The following ADAM12 variants were observed in gnomAD, a reference collection of about 807,000 sequenced individuals.
The protein encoded by ADAM12 is disintegrin and metalloproteinase domain-containing protein 12.
ADAM12 carries 70 observed loss-of-function variants against 106.4 expected under a neutral mutation model. That is an observed-to-expected ratio of 0.66 (90% CI 0.54 to 0.80). ADAM12 has a LOEUF of 0.80. Ranked by LOEUF, ADAM12 falls within the 30% of genes least tolerant of loss-of-function variation. The pLI is 0.00. For missense variants in ADAM12, 1,010 were observed against 1,171.9 expected, an observed-to-expected ratio of 0.86 and a Z score of 2.02; for synonymous variants, 420 against 433.5, an observed-to-expected ratio of 0.97 and a Z score of 0.39.
chr10:126,238,892 CCTGT>C (rs1332288159), intron 3 of ADAM12, among the ~76,000 whole-genome samples: 5 of 152,114 alleles, frequency 3.3e-5, no homozygotes, highest in African/African-American at 1.2e-4. Context: ...TACATTTTTC[CCTGT>C]CTTTCTTTTT....
At chr10:126,179,887 G>A (rs989142956) in intron 3 of ADAM12, among the ~76,000 whole-genome samples, 18 of 152,124 alleles carry the variant, frequency 1.2e-4, no homozygotes, top group Non-Finnish European at 2.1e-4. Context: ...AGCTAAGGAC[G>A]GCTTCCTGGA....
chr10:126,051,576 T>TCCAGCCAG (rs778622898), intron 14 of ADAM12, among the ~76,000 whole-genome samples: 3,260 of 84,212 alleles, frequency 0.039, 87 homozygotes, highest in Middle Eastern at 0.096. Flanking sequence ...CATCCATCCA[T>TCCAGCCAG]CCATCCATCC....
chr10:126,069,330 GT>G lies in ADAM12; in HGVS notation c.1323+2146del, dbSNP rs543252861. The stretch of plus-strand genomic sequence containing the variant: ...AAAAAGTGAGGCAAAAGGCTCACCT[GT>G]AACTTTCAAAGAAAGAACTTTGGAT... On this transcript the variant is annotated intron_variant, in intron 12 of 22. Coordinates refer to ENST00000448723, the MANE Select transcript of ADAM12 (RefSeq NM_001288973.2). Among the ~76,000 whole-genome samples, 135 of 152,316 alleles carry G rather than the reference GT, an allele frequency of 8.9e-4. 1 individual carries two copies. The highest frequency in any genetic ancestry group is 3.1e-3 in the African/African-American group (129 of 41,568).
chr10:126,129,880 G>A (rs1226748466), intron 5 of ADAM12, among the ~76,000 whole-genome samples: 1 of 151,998 alleles, frequency 6.6e-6, no homozygotes, highest in African/African-American at 2.4e-5. Context: ...TTTTGTCTCC[G>A]TGTGCTTTCC....
chr10:126,315,780 C>A (rs2133824493), intron 2 of ADAM12, among the ~76,000 whole-genome samples: 1 of 152,196 alleles, frequency 6.6e-6, no homozygotes, highest in Admixed American at 6.5e-5. Context: ...ATGTGTGATT[C>A]TTCACTTTTC....
chr10:126,032,361 A>G (rs1953986135), intron 21 of ADAM12, among the ~76,000 whole-genome samples: 1 of 152,194 alleles, frequency 6.6e-6, no homozygotes, highest in South Asian at 2.1e-4. Flanking sequence ...CACCCACTTA[A>G]TCTATATCAT....
chr10:126,071,786 C>A, intron 11 of ADAM12, 132 bp from the exon 12 acceptor site: 1 of 949,390 alleles, frequency 1.1e-6, no homozygotes, highest in Non-Finnish European at 1.6e-6. Context: ...ATGAACAATG[C>A]ATATCAAAAA....
chr10:126,027,930 G>C (rs1222393834), intron 21 of ADAM12, among the ~76,000 whole-genome samples: 1 of 152,116 alleles, frequency 6.6e-6, no homozygotes, highest in Non-Finnish European at 1.5e-5. Context: ...CAGATGACGT[G>C]ATCCTATATC....
rs558377890 is a variant in ADAM12, at chr10:126,019,595, C to T, written c.2660+100G>A. ...CCAGTTGTAGGGGGAGCAGGAAGCA[C>T]GGCCTAGACCACTGCACCCCTGTCC... On this transcript the variant is annotated intron_variant, in intron 22 of 22. Transcript: ENST00000448723. The T allele has an allele frequency of 3.7e-5, 53 of 1,432,114 alleles. 1 individual carries two copies. The highest frequency in any genetic ancestry group is 3.4e-4 in the African/African-American group (24 of 70,410). 88.7% of individuals were successfully genotyped at this position (1,432,114 alleles called of 1,614,324 possible).
intron 22 of ADAM12, among the ~76,000 whole-genome samples, chr10:126,019,307 G>A (rs1953716122): frequency 6.6e-6 from 1 of 152,176 alleles, no homozygotes. Flanking sequence ...GAATTACCCA[G>A]TCTTCGATAT....
At chr10:126,222,229 T>G (rs903370439) in intron 3 of ADAM12, among the ~76,000 whole-genome samples, 4 of 152,142 alleles carry the variant, frequency 2.6e-5, no homozygotes, top group African/African-American at 7.2e-5. Context: ...AAGCTTTTGT[T>G]TGCAGAGAGG....
chr10:126,082,010 C>A (rs1343278433), intron 11 of ADAM12, among the ~76,000 whole-genome samples: 1 of 152,210 alleles, frequency 6.6e-6, no homozygotes, highest in Non-Finnish European at 1.5e-5. Flanking sequence ...ATCATTCCCT[C>A]CGTTTAATAC....
chr10:126,160,466 G>A (rs1956912695), intron 3 of ADAM12, among the ~76,000 whole-genome samples: 1 of 152,184 alleles, frequency 6.6e-6, no homozygotes, highest in Admixed American at 6.5e-5. Flanking sequence ...AGCTTCCTTG[G>A]TTTTCTTTCA....
intron 2 of ADAM12, among the ~76,000 whole-genome samples, chr10:126,308,122 T>A (rs1960929997): frequency 6.6e-6 from 1 of 152,194 alleles, no homozygotes; most frequent in Admixed American, 6.5e-5. Context: ...GTAAGGCTCA[T>A]CCTCAAGGAT....
At chr10:126,075,235 T>A (rs1320478451) in intron 11 of ADAM12, among the ~76,000 whole-genome samples, 2 of 152,244 alleles carry the variant, frequency 1.3e-5, no homozygotes, top group African/African-American at 4.8e-5. Context: ...ACTCATCCCA[T>A]CCTTTCATGA....
intron 6 of ADAM12, among the ~76,000 whole-genome samples, 154 bp downstream of exon 6, chr10:126,117,884 T>C (rs571208078): frequency 3.6e-5 from 1 of 27,612 alleles, no homozygotes; most frequent in South Asian, 9.6e-4. Context: ...TGTCCCACTG[T>C]ATAATGTCTA....
intron 2 of ADAM12, among the ~76,000 whole-genome samples, chr10:126,314,222 G>C (rs1961247361): frequency 6.6e-6 from 1 of 152,206 alleles, no homozygotes; most frequent in Non-Finnish European, 1.5e-5. Context: ...AGTAAGCTTG[G>C]AGAGAGGGAC....
intron 2 of ADAM12, among the ~76,000 whole-genome samples, chr10:126,294,084 G>A (rs1314047125): frequency 6.6e-6 from 1 of 152,152 alleles, no homozygotes; most frequent in African/African-American, 2.4e-5. Context: ...ATGTGTTTTT[G>A]GATCAACTGT....
At chr10:126,089,324 A>AG (rs1955418702) in intron 11 of ADAM12, among the ~76,000 whole-genome samples, 1 of 152,214 alleles carries the variant, frequency 6.6e-6, no homozygotes, top group Non-Finnish European at 1.5e-5. Flanking sequence ...ACAAGGCTGG[A>AG]GAGGTGAGTG....
Sources: gnomAD v4.1 joint callset for allele counts (sites outside exome capture counted in the v4.1 genomes callset) on GRCh38, gnomAD v4.1.1 for gene constraint, MANE v1.5 for transcripts, NCBI Gene and HGNC (gene_info 2026-07-23, HGNC 2026-07-21) for gene names.